ADGRG6: variants seen among roughly 807,000 people sequenced by gnomAD.
ADGRG6 encodes G-protein coupled receptor 126.
ADGRG6 carries 84 observed loss-of-function variants against 142.4 expected under a neutral mutation model. The ratio of observed to expected loss-of-function variants is 0.59; its 90% CI spans 0.49 to 0.71. ADGRG6 has a LOEUF of 0.71. ADGRG6 is among the 30% of genes least tolerant of loss of function. ADGRG6 has a pLI of 0.00. For missense variants in ADGRG6, 1,367 were observed against 1,466.6 expected (o/e 0.93, Z 1.11); for synonymous variants, 521 against 520.5 (o/e 1.00, Z -0.01).
chr6:142,302,240 TTC>T lies in ADGRG6; in HGVS notation c.-89_-88del, dbSNP rs1172784381. ...GCGGCGCAGGGCTGGGGCGCCTGGG[TTC>T]CCCCTGGGTGGAGCAGCGGCAGCAG... is the stretch of plus-strand genomic sequence containing the variant. On this transcript the variant is annotated 5_prime_UTR_variant, in exon 1 of 25. Coordinates refer to ENST00000367609, the MANE Select transcript of ADGRG6 (RefSeq NM_198569.3). 2 of 1,506,640 alleles carry T rather than the reference TTC, an allele frequency of 1.3e-6. No individual in the cohort carries two copies. Among genetic ancestry groups the T allele is most frequent in the Non-Finnish European group, 1.8e-6 (2 of 1,103,256 alleles). 93.3% of individuals were successfully genotyped at this position (1,506,640 alleles called of 1,614,324 possible).
rs1038115571 is a variant in ADGRG6, at chr6:142,443,579, A to G, written c.*64A>G. On this transcript the variant is annotated 3_prime_UTR_variant, in exon 25 of 25. Coordinates refer to ENST00000367609, the MANE Select transcript of ADGRG6 (RefSeq NM_198569.3). ...AGATTTGCAAGCAGTGTAAACTGCA[A>G]CTAGTGATGTAAATGTGCTATTACC... 10 of 1,053,898 alleles carry G rather than the reference A, an allele frequency of 9.5e-6. No homozygotes were observed. The highest frequency in any genetic ancestry group is 1.6e-5 in the African/African-American group (1 of 62,800). The allele number at this position is 1,053,898 out of a possible 1,614,324, so 65.3% of individuals were successfully genotyped here. A position where few individuals can be genotyped will look rare whatever the true frequency, so the allele number is the denominator to read the frequency against.
chr6:142,412,004 C>G (rs965381142), intron 18 of ADGRG6, among the ~76,000 whole-genome samples: 5 of 152,036 alleles, frequency 3.3e-5, no homozygotes, highest in African/African-American at 1.2e-4. Context: ...TCTTAGGCCT[C>G]TATATCATTC....
At chr6:142,304,575 A>G (rs947961363) in intron 1 of ADGRG6, among the ~76,000 whole-genome samples, 1 of 152,244 alleles carries the variant, frequency 6.6e-6, no homozygotes, top group African/African-American at 2.4e-5. Context: ...AAGTCTGGAA[A>G]TAATGATTTG....
chr6:142,403,676 T>C, intron 13 of ADGRG6, 126 bp from the exon 14 acceptor site: 1 of 610,554 alleles, frequency 1.6e-6, no homozygotes, highest in Non-Finnish European at 2.7e-6. Context: ...TGGGTGTTCA[T>C]GTTAAGATCA....
intron 2 of ADGRG6, among the ~76,000 whole-genome samples, chr6:142,359,601 A>ATAG (rs1043482142): frequency 3.3e-4 from 51 of 152,340 alleles, no homozygotes; most frequent in African/African-American, 1.2e-3. Flanking sequence ...AACCCAGGCT[A>ATAG]TAGTATAGCA....
At chr6:142,425,977 C>T (rs1455474326) in intron 22 of ADGRG6, among the ~76,000 whole-genome samples, 1 of 152,164 alleles carries the variant, frequency 6.6e-6, no homozygotes, top group Non-Finnish European at 1.5e-5. Context: ...ATAATTCAAT[C>T]ACCTTCCACT....
At chr6:142,357,422 AC>A (rs1164027562) in intron 2 of ADGRG6, among the ~76,000 whole-genome samples, 8 of 152,288 alleles carry the variant, frequency 5.3e-5, no homozygotes, top group African/African-American at 1.4e-4. Flanking sequence ...TCTTAAAAAA[AC>A]ATTATTTAAA....
chr6:142,427,752 C>T lies in ADGRG6; in HGVS notation c.3319+7648C>T, dbSNP rs770951485. On this transcript the variant is annotated intron_variant, in intron 22 of 24. Transcript: ENST00000367609. Reference sequence around the variant, plus strand: ...GACTGGGGAAGCCTCACAATCAGGGCGGAGGGCAAGAAGGAGGAAATGACA... The same window carrying T: ...GACTGGGGAAGCCTCACAATCAGGGTGGAGGGCAAGAAGGAGGAAATGACA... Among the ~76,000 whole-genome samples, 9 of 152,160 alleles carry T rather than the reference C, an allele frequency of 5.9e-5. No homozygotes were observed. The South Asian group carries it at 8.3e-4, about 14-fold the overall frequency.
intron 22 of ADGRG6, among the ~76,000 whole-genome samples, chr6:142,425,305 G>A (rs896788890): frequency 6.6e-6 from 1 of 152,198 alleles, no homozygotes; most frequent in African/African-American, 2.4e-5. Context: ...TTGGGGAAAA[G>A]TTGGTCCAGT....
chr6:142,417,797 A>G (rs1776441489), intron 21 of ADGRG6, among the ~76,000 whole-genome samples: 2 of 152,198 alleles, frequency 1.3e-5, no homozygotes, highest in African/African-American at 4.8e-5. Context: ...AACAATTTCA[A>G]AAGTTCTCTT....
intron 2 of ADGRG6, among the ~76,000 whole-genome samples, chr6:142,342,293 A>C (rs969418345): frequency 6.6e-6 from 1 of 152,148 alleles, no homozygotes; most frequent in African/African-American, 2.4e-5. Context: ...CCAAGAATTA[A>C]ATTCCAGAGA....
intron 24 of ADGRG6, among the ~76,000 whole-genome samples, chr6:142,440,113 T>C (rs1777676458): frequency 6.6e-6 from 1 of 152,162 alleles, no homozygotes; most frequent in South Asian, 2.1e-4. Context: ...ACAAGGCAGT[T>C]AATTTGGAAC....
intron 2 of ADGRG6, among the ~76,000 whole-genome samples, chr6:142,353,128 C>G (rs866099778): frequency 3.7e-4 from 56 of 152,290 alleles, no homozygotes; most frequent in African/African-American, 1.3e-3. Flanking sequence ...CCCTCTACTT[C>G]CGTTTTTATT....
At chr6:142,365,084 C>G (rs1780884846) in intron 2 of ADGRG6, among the ~76,000 whole-genome samples, 1 of 152,084 alleles carries the variant, frequency 6.6e-6, no homozygotes, top group Admixed American at 6.6e-5. Flanking sequence ...TTTTTAATCT[C>G]CAGTGCCTAT....
intron 2 of ADGRG6, among the ~76,000 whole-genome samples, chr6:142,327,921 G>A (rs925855274): frequency 2.6e-5 from 4 of 151,876 alleles, no homozygotes; most frequent in Non-Finnish European, 5.9e-5. Context: ...TTCTTGGTGT[G>A]TAATTTTTTT....
At chr6:142,355,453 C>A (rs115708534) in intron 2 of ADGRG6, among the ~76,000 whole-genome samples, 3,359 of 152,228 alleles carry the variant, frequency 0.022, 113 homozygotes, top group African/African-American at 0.075. Context: ...AATAATATTT[C>A]TCTTTCTCTC....
intron 2 of ADGRG6, among the ~76,000 whole-genome samples, chr6:142,341,051 T>TAAG (rs1779595015): frequency 2.6e-5 from 4 of 152,164 alleles, no homozygotes; most frequent in African/African-American, 7.2e-5. Flanking sequence ...GATTGTCATG[T>TAAG]AAGAGTAAGC....
At chr6:142,308,885 A>G (rs1313520503) in intron 1 of ADGRG6, among the ~76,000 whole-genome samples, 2 of 151,914 alleles carry the variant, frequency 1.3e-5, no homozygotes, top group Non-Finnish European at 2.9e-5. Context: ...TAAGTCATGC[A>G]GAAGGATAGT....
At chr6:142,369,380 A>G (rs1781112642) in intron 3 of ADGRG6, among the ~76,000 whole-genome samples, 1 of 152,188 alleles carries the variant, frequency 6.6e-6, no homozygotes, top group South Asian at 2.1e-4. Flanking sequence ...ATATTAACTT[A>G]TTTAATTCTT....
Sources: gnomAD v4.1 joint callset for allele counts (sites outside exome capture counted in the v4.1 genomes callset) on GRCh38, gnomAD v4.1.1 for gene constraint, MANE v1.5 for transcripts, NCBI Gene and HGNC (gene_info 2026-07-23, HGNC 2026-07-21) for gene names.